The following PIGF variants were observed in gnomAD, a reference collection of about 807,000 sequenced individuals.
The protein encoded by PIGF is GPI ethanolamine phosphate transferase, stabilizing subunit.
Under a neutral mutation model 26.0 loss-of-function variants are expected in PIGF, and 23 were observed. The ratio of observed to expected loss-of-function variants is 0.88; its 90% confidence interval spans 0.64 to 1.25. The LOEUF (loss-of-function observed/expected upper bound fraction) is 1.25, where lower values mean the gene tolerates loss of function less well. PIGF is among the 50% of genes most tolerant of loss of function. PIGF has a pLI of 0.00. For synonymous variants in PIGF, 93 were observed against 92.6 expected (o/e 1.00, Z -0.03); for missense variants, 278 against 249.9 (o/e 1.11, Z -0.76).
chr2:46,598,089 C>T (rs1669943645), intron 4 of PIGF, among the ~76,000 whole-genome samples: 1 of 151,618 alleles, frequency 6.6e-6, no homozygotes, highest in South Asian at 2.1e-4. Flanking sequence ...CAATCTTTAC[C>T]TTTTTGTTTG....
At chr2:46,601,759 A>G (rs960718158) in intron 4 of PIGF, among the ~76,000 whole-genome samples, 6 of 152,026 alleles carry the variant, frequency 3.9e-5, no homozygotes, top group Admixed American at 2.6e-4. Context: ...TATAAAATCT[A>G]TTTCAATACA....
rs1252890873 is a variant in PIGF, at chr2:46,588,857, A to T, written c.546+3618T>A. 6.6e-6 allele frequency among the ~76,000 whole-genome samples: 1 copy of T among 152,166 alleles called. No individual in the cohort carries two copies. Among genetic ancestry groups the T allele is most frequent in the Non-Finnish European group, 1.5e-5 (1 of 67,978 alleles). ...ATTTAAGTATCTGTTGTACTTACTT[A>T]CACAGAACATATGCTATGCATACAG... is the stretch of plus-strand genomic sequence containing the variant. On this transcript the variant is annotated intron_variant, in intron 5 of 5. Coordinates refer to ENST00000281382, the MANE Select transcript of PIGF (RefSeq NM_002643.4). This position sits in a 1 kb window ranked among gnomAD's most constrained non-coding sequence, Gnocchi z 4.1.
At chr2:46,616,289 A>C (rs977815793) in intron 1 of PIGF, 1 of 152,378 alleles carries the variant, frequency 6.6e-6, no homozygotes, top group Non-Finnish European at 1.5e-5. Context: ...AGAAGGGACA[A>C]AGGGAAAGTT....
At chr2:46,598,529 ATTTTTTT>A (rs747263045) in intron 4 of PIGF, among the ~76,000 whole-genome samples, 1,629 of 103,526 alleles carry the variant, frequency 0.016, 62 homozygotes, top group African/African-American at 0.065. Context: ...ACATTATGAG[ATTTTTTT>A]TTTTTTTTTT....
intron 4 of PIGF, among the ~76,000 whole-genome samples, chr2:46,594,688 A>G (rs538988624): frequency 5.3e-5 from 8 of 151,932 alleles, no homozygotes; most frequent in Non-Finnish European, 8.8e-5. Context: ...GGTGTGTGCC[A>G]TCACACCAGG....
rs139037844 is a variant in PIGF at position 46,602,359 on chromosome 2, C to T, written c.438-9776G>A. Among the ~76,000 whole-genome samples, 533 of 151,932 alleles carry T rather than the reference C, an allele frequency of 3.5e-3. 7 individuals carry two copies. The highest frequency in any genetic ancestry group is 0.012 in the African/African-American group (505 of 41,504). ...AGCTCAAAGCTTTGTTGTTCTCTGTCGTCACATGACTATCATGTGTTCAAC... is the reference window on the plus strand; with the variant it reads ...AGCTCAAAGCTTTGTTGTTCTCTGTTGTCACATGACTATCATGTGTTCAAC... On this transcript the variant is annotated intron_variant, in intron 4 of 5. Coordinates refer to ENST00000281382, the MANE Select transcript of PIGF (RefSeq NM_002643.4).
In PIGF at chr2:46,588,035, A is replaced by G; in HGVS notation, c.546+4440T>C. On this transcript the variant is annotated intron_variant, in intron 5 of 5. Coordinates refer to ENST00000281382, the MANE Select transcript of PIGF (RefSeq NM_002643.4). This position sits in a 1 kb window ranked among gnomAD's most constrained non-coding sequence, Gnocchi z 4.1. Reference sequence around the variant, plus strand: ...AAGATGTGTACTCCTCCCCTCTCACACTTGGACTTTCTAGTGTATAAAATG... The same window carrying G: ...AAGATGTGTACTCCTCCCCTCTCACGCTTGGACTTTCTAGTGTATAAAATG... 1.3e-6 allele frequency: 2 copies of G among 1,496,538 alleles called. No individual in the cohort carries two copies. The highest frequency in any genetic ancestry group is 2.6e-5 in the East Asian group (1 of 38,518). 92.7% of individuals were successfully genotyped at this position (1,496,538 alleles called of 1,614,324 possible). A position where few individuals can be genotyped will look rare whatever the true frequency, so the allele number is the denominator to read the frequency against.
chr2:46,586,902 G>C (rs1669593863), intron 5 of PIGF, among the ~76,000 whole-genome samples: 1 of 152,190 alleles, frequency 6.6e-6, no homozygotes, highest in Admixed American at 6.5e-5. Context: ...CTGTGACTAA[G>C]AATACTACTT....
rs1388823895 is a variant in PIGF, at chr2:46,581,132, A to G, written c.*346T>C. ...AACTGTCCATTTCTCTCAGAAAGCA[A>G]ATGAAATGCTACAGCTATACCCAGA... On this transcript the variant is annotated 3_prime_UTR_variant, in exon 6 of 6. Coordinates refer to ENST00000281382, the MANE Select transcript of PIGF (RefSeq NM_002643.4). 1 of 1,402,336 alleles carries G rather than the reference A, an allele frequency of 7.1e-7. No homozygotes were observed. The highest frequency in any genetic ancestry group is 1.4e-5 in the African/African-American group (1 of 69,040). The allele number at this position is 1,402,336 out of a possible 1,614,324, so 86.9% of individuals were successfully genotyped here. A position where few individuals can be genotyped will look rare whatever the true frequency, so the allele number is the denominator to read the frequency against.
Position 46,591,461 on chromosome 2 carries a change from A to G in PIGF, c.546+1014T>C, listed in dbSNP as rs995711988. On this transcript the variant is annotated intron_variant, in intron 5 of 5. Transcript: ENST00000281382. ...TACATTATCTTCGTGATCAGAAAAA[A>G]ATTATCTTCATGTTGGAAAAAGAAA... is the stretch of plus-strand genomic sequence containing the variant. 5.9e-6 allele frequency: 4 copies of G among 680,502 alleles called. No homozygotes were observed. In the African/African-American group the frequency reaches 7.8e-5, roughly 13 times the overall value. 42.2% of individuals were successfully genotyped at this position (680,502 alleles called of 1,614,324 possible). A position where few individuals can be genotyped will look rare whatever the true frequency, so the allele number is the denominator to read the frequency against.
chr2:46,589,968 A>G lies in PIGF; in HGVS notation c.546+2507T>C, dbSNP rs1187342290. 6.6e-6 allele frequency among the ~76,000 whole-genome samples: 1 copy of G among 152,080 alleles called. No individual in the cohort carries two copies. Among genetic ancestry groups the G allele is most frequent in the African/African-American group, 2.4e-5 (1 of 41,444 alleles). ...CTATATGAATAAAAGATTTTTAATT[A>G]TACATCAATTCTATCATTCCCTCAA... On this transcript the variant is annotated intron_variant, in intron 5 of 5. Coordinates refer to ENST00000281382, the MANE Select transcript of PIGF (RefSeq NM_002643.4). This position sits in a 1 kb window ranked among gnomAD's most constrained non-coding sequence, Gnocchi z 4.7.
Position 46,616,943 on chromosome 2 carries a change from A to AG in PIGF, c.-22+26_-22+27insC, listed in dbSNP as rs5830913. Reference sequence around the variant, plus strand: ...GGTAGCTTGCACCTCGTGAGGCGAGACGCCGAGGGCGTCCAGCGGGGCTTA... The same window carrying AG: ...GGTAGCTTGCACCTCGTGAGGCGAGAGCGCCGAGGGCGTCCAGCGGGGCTTA... On this transcript the variant is annotated intron_variant, in intron 1 of 5. Coordinates refer to ENST00000281382, the MANE Select transcript of PIGF (RefSeq NM_002643.4). 1 allele frequency: 469,801 copies of AG among 469,816 alleles called. 234,893 individuals are homozygous for AG. The highest frequency in any genetic ancestry group is 1 in the Middle Eastern group (1,706 of 1,706). 29.1% of individuals were successfully genotyped at this position (469,816 alleles called of 1,614,324 possible). A position where few individuals can be genotyped will look rare whatever the true frequency, so the allele number is the denominator to read the frequency against.
At chr2:46,587,966 T>C in intron 5 of PIGF, 1 of 845,166 alleles carries the variant, frequency 1.2e-6, no homozygotes, top group Non-Finnish European at 1.7e-6. Context: ...GGGGCTCTCA[T>C]GTGAATCTTA....
At chr2:46,592,644 C>T (rs1669757245) in intron 4 of PIGF, 61 bp from the exon 5 acceptor site, 1 of 798,372 alleles carries the variant, frequency 1.3e-6, no homozygotes. Flanking sequence ...GAGAATCCAA[C>T]AAGCACTAGC....
At chr2:46,614,288 C>G (rs541083562) in intron 2 of PIGF, 19 of 152,740 alleles carry the variant, frequency 1.2e-4, no homozygotes, top group African/African-American at 4.6e-4. Context: ...ACCTGAACAT[C>G]TACAAAGAAA....
intron 4 of PIGF, among the ~76,000 whole-genome samples, chr2:46,597,833 T>A (rs950178886): frequency 1.3e-5 from 2 of 152,222 alleles, no homozygotes; most frequent in African/African-American, 4.8e-5. Context: ...TAAAAACTTT[T>A]AGAATGATCT....
chr2:46,583,592 T>C (rs1311596280), intron 5 of PIGF, among the ~76,000 whole-genome samples: 1 of 152,152 alleles, frequency 6.6e-6, no homozygotes, highest in Non-Finnish European at 1.5e-5. Flanking sequence ...TTTTTCTTTT[T>C]GCAAAAATCC....
At chr2:46,595,621 G>A (rs182290382) in intron 4 of PIGF, among the ~76,000 whole-genome samples, 162 of 152,286 alleles carry the variant, frequency 1.1e-3, no homozygotes, top group Non-Finnish European at 1.5e-3. Context: ...ACACCTAGGA[G>A]TGGAATTGTT....
intron 4 of PIGF, among the ~76,000 whole-genome samples, chr2:46,604,159 T>C (rs927199425): frequency 6.6e-6 from 1 of 152,042 alleles, no homozygotes; most frequent in African/African-American, 2.4e-5. Flanking sequence ...AATACTACAA[T>C]GAGATTATCA....
Sources: allele counts gnomAD v4.1 joint callset (sites outside exome capture counted in the v4.1 genomes callset), GRCh38; gene constraint gnomAD v4.1.1; non-coding constraint Gnocchi (gnomAD v3.1); transcripts MANE v1.5; gene names NCBI Gene and HGNC (gene_info 2026-07-23, HGNC 2026-07-21).